The following CTSC variants were observed in gnomAD, a reference collection of about 807,000 sequenced individuals.
CTSC encodes cathepsin C, also known as dipeptidyl peptidase 1.
A neutral mutation model predicts 40.9 loss-of-function variants in CTSC; 37 were observed. That is an observed-to-expected ratio of 0.91 (90% CI 0.70 to 1.19). CTSC has a LOEUF of 1.19. CTSC is among the 50% of genes most tolerant of loss of function. The pLI is 0.00. For synonymous variants in CTSC, 232 were observed against 207.4 expected (o/e 1.12, Z -1.02); for missense variants, 594 against 567.3 (o/e 1.05, Z -0.48).
At chr11:88,337,393 G>A in intron 1 of CTSC, 108 bp downstream of exon 1, 1 of 1,152,014 alleles carries the variant, frequency 8.7e-7, no homozygotes, top group African/African-American at 1.5e-5. Context: ...AGATGCTCTG[G>A]CCACCCACAA....
intron 3 of CTSC, among the ~76,000 whole-genome samples, chr11:88,311,035 T>C (rs1284420363): frequency 6.6e-6 from 1 of 152,228 alleles, no homozygotes; most frequent in Non-Finnish European, 1.5e-5. Flanking sequence ...TTAAAAATAA[T>C]GTATCTTACT....
chr11:88,337,599 T>C lies in CTSC; in HGVS notation c.74A>G (p.Asp25Gly), dbSNP rs1203722094. The change falls in exon 1 of 7, where the codon GAC (aspartate) becomes GGC (glycine). Residue 25 changes from aspartate (D) to glycine (G), a missense_variant. By Grantham distance (94) the Asp-to-Gly change is moderately conservative. Transcript: ENST00000227266. ...LLSGDGAVRC[D>G]TPANCTYLDL... ...AAGATAGGTGCAGTTGGCAGGTGTGTCGCAGCGCACGGCGCCGTCGCCGGA... is the reference window on the plus strand; with the variant it reads ...AAGATAGGTGCAGTTGGCAGGTGTGCCGCAGCGCACGGCGCCGTCGCCGGA... The C allele has an allele frequency of 3.2e-6, 5 of 1,579,688 alleles. No individual in the cohort carries two copies. Among genetic ancestry groups the C allele is most frequent in the Admixed American group, 1.8e-5 (1 of 55,320 alleles).
intron 2 of CTSC, among the ~76,000 whole-genome samples, chr11:88,317,019 T>C (rs1406725680): frequency 6.6e-6 from 1 of 151,932 alleles, no homozygotes; most frequent in Non-Finnish European, 1.5e-5. Flanking sequence ...CAGGCTGGAG[T>C]GCAGTGGCGC....
At chr11:88,316,779 T>C (rs1245146764) in intron 2 of CTSC, among the ~76,000 whole-genome samples, 1 of 152,222 alleles carries the variant, frequency 6.6e-6, no homozygotes, top group African/African-American at 2.4e-5. Flanking sequence ...GGTAAGTTTA[T>C]AATTAACAGA....
At chr11:88,324,907 A>G (rs1938138185) in intron 2 of CTSC, 2 of 985,262 alleles carry the variant, frequency 2.0e-6, no homozygotes, top group Admixed American at 6.2e-5. Flanking sequence ...ACTTCTTCTC[A>G]GAATAGCAGA....
chr11:88,301,428 G>T (rs918043127), intron 4 of CTSC, among the ~76,000 whole-genome samples: 5 of 152,262 alleles, frequency 3.3e-5, no homozygotes, highest in African/African-American at 7.2e-5. Flanking sequence ...CCAGGGCCTT[G>T]AATCATTTAC....
intron 4 of CTSC, among the ~76,000 whole-genome samples, chr11:88,307,318 G>A (rs964226418): frequency 2.0e-5 from 3 of 152,054 alleles, no homozygotes; most frequent in Non-Finnish European, 4.4e-5. Flanking sequence ...GGCATTACAG[G>A]ACTTATCCGT....
chr11:88,321,971 CATT>C (rs1174190443), intron 2 of CTSC: 2 of 152,092 alleles, frequency 1.3e-5, no homozygotes, highest in African/African-American at 4.8e-5. Context: ...GATGGTATCT[CATT>C]GTGATTTTGA....
rs1420577785 is a variant in CTSC at position 88,337,716 on chromosome 11, C to T, written c.-44G>A. On this transcript the variant is annotated 5_prime_UTR_variant, in exon 1 of 7. Coordinates refer to ENST00000227266, the MANE Select transcript of CTSC (RefSeq NM_001814.6). Reference sequence around the variant, plus strand: ...AAGAGGTGAAGAATTACCAGGAAGCCGAGCGCTGCGGGCTAGCGGTGAGTC... The same window carrying T: ...AAGAGGTGAAGAATTACCAGGAAGCTGAGCGCTGCGGGCTAGCGGTGAGTC... 10 of 1,549,510 alleles carry T rather than the reference C, an allele frequency of 6.5e-6. No homozygotes were observed. The highest frequency in any genetic ancestry group is 3.9e-5 in the Admixed American group (2 of 51,110).
chr11:88,302,601 G>A (rs191822563), intron 4 of CTSC, among the ~76,000 whole-genome samples: 20 of 126,928 alleles, frequency 1.6e-4, no homozygotes, highest in Non-Finnish European at 2.3e-4. Flanking sequence ...ACTCCAGCCC[G>A]GGTGACAGAG....
chr11:88,314,056 C>T (rs1937824671), intron 2 of CTSC, among the ~76,000 whole-genome samples: 1 of 152,166 alleles, frequency 6.6e-6, no homozygotes, highest in Non-Finnish European at 1.5e-5. Flanking sequence ...GTTTTGGCTC[C>T]AGAGGTTGTA....
At chr11:88,326,092 A>G (rs1938175111) in intron 2 of CTSC, 2 of 1,262,380 alleles carry the variant, frequency 1.6e-6, no homozygotes, top group Non-Finnish European at 2.0e-6. Flanking sequence ...AACGTGTTGT[A>G]TATTGTTCCT....
chr11:88,328,443 G>C (rs1484259948), intron 2 of CTSC, among the ~76,000 whole-genome samples: 1 of 152,150 alleles, frequency 6.6e-6, no homozygotes, highest in Non-Finnish European at 1.5e-5. Context: ...TTCTAAAATT[G>C]TTATATCTTA....
intron 4 of CTSC, among the ~76,000 whole-genome samples, chr11:88,306,694 A>C (rs769669022): frequency 3.9e-5 from 6 of 152,038 alleles, no homozygotes; most frequent in Admixed American, 1.3e-4. Context: ...ACTCAATAAA[A>C]CCTTGTGCTC....
At chr11:88,337,419 G>T (rs1392160572) in intron 1 of CTSC, 82 bp downstream of exon 1, 2 of 1,387,416 alleles carry the variant, frequency 1.4e-6, no homozygotes, top group South Asian at 1.2e-5. Flanking sequence ...TGCCTGGGGG[G>T]AAGCGGTAGT....
At position 88,294,331 on chromosome 11, in the gene CTSC, T is replaced by C. The variant is rs749302935; in HGVS notation, c.1067A>G (p.Asn356Ser). The change falls in exon 7 of 7, where the codon AAT becomes AGT. Residue 356 changes from asparagine (N) to serine (S), a missense_variant. Physicochemically the swap from Asn to Ser is conservative, Grantham distance 46. Coordinates refer to ENST00000227266, the MANE Select transcript of CTSC (RefSeq NM_001814.6). ...CAACTCAAGCTTCATCAGGGCTTCA[T>C]TGCAGCCTCCATAGAAACCTCCTAC... is the stretch of plus-strand genomic sequence containing the variant. ...HYVGGFYGGCNEALMKLELVH... is the reference protein window; with the variant it reads ...HYVGGFYGGCSEALMKLELVH... 58 of 1,614,036 alleles carry C rather than the reference T, an allele frequency of 3.6e-5. No individual in the cohort carries two copies. Among genetic ancestry groups the C allele is most frequent in the Middle Eastern group, 1.6e-4 (1 of 6,082 alleles).
intron 6 of CTSC, among the ~76,000 whole-genome samples, chr11:88,294,778 AAG>A (rs1944279835): frequency 1.3e-5 from 2 of 152,248 alleles, no homozygotes; most frequent in African/African-American, 4.8e-5. Flanking sequence ...TATAGGTTTA[AAG>A]CCAAAGCCGT....
rs1565251963 is a variant in CTSC, at chr11:88,300,649, GAAAGGAAATATACATTTGATATC to G, written c.642-27_642-5del. 1 of 1,564,792 alleles carries G rather than the reference GAAAGGAAATATACATTTGATATC, an allele frequency of 6.4e-7. No homozygotes were observed. On this transcript the variant is annotated splice_polypyrimidine_tract_variant and splice_region_variant and intron_variant, in intron 4 of 6. Transcript: ENST00000227266. Reference sequence around the variant, plus strand: ...AGTCAGTGGTGCAGGTTTGGGCCTAGAAAGGAAATATACATTTGATATCAACATATAATCTTTCCTTTGAGGAT... The same window carrying G: ...AGTCAGTGGTGCAGGTTTGGGCCTAGAACATATAATCTTTCCTTTGAGGAT...
At chr11:88,330,741 T>C (rs1938329375) in intron 2 of CTSC, among the ~76,000 whole-genome samples, 3 of 152,238 alleles carry the variant, frequency 2.0e-5, no homozygotes, top group Admixed American at 2.0e-4. Flanking sequence ...TTCCAAACTT[T>C]TATCTAGCTT....
Sources: allele counts gnomAD v4.1 joint callset (sites outside exome capture counted in the v4.1 genomes callset), GRCh38; gene constraint gnomAD v4.1.1; transcripts MANE v1.5; gene names NCBI Gene and HGNC (gene_info 2026-07-23, HGNC 2026-07-21).